ZDHHC15: variants seen among roughly 807,000 people sequenced by gnomAD.
The protein encoded by ZDHHC15 is zDHHC palmitoyltransferase 15.
A neutral mutation model predicts 31.7 loss-of-function variants in ZDHHC15; 19 were observed. The observed-to-expected ratio is 0.60, with a 90% CI of 0.42 to 0.88. ZDHHC15 has a LOEUF of 0.88. Ranked by LOEUF, ZDHHC15 falls within the 40% of genes least tolerant of loss-of-function variation. The pLI is 0.00. For synonymous variants in ZDHHC15, 103 were observed against 90.0 expected (o/e 1.14, Z -0.82); for missense variants, 209 against 251.2 (o/e 0.83, Z 1.14).
intron 2 of ZDHHC15, among the ~76,000 whole-genome samples, chrX:75,505,016 G>A (rs1252118358): frequency 9.0e-6 from 1 of 111,279 alleles, no homozygotes; most frequent in African/African-American, 3.3e-5. Flanking sequence ...AAATAGCAGA[G>A]CCAGGATTTG....
chrX:75,424,906 T>C, intron 7 of ZDHHC15, 122 bp from the exon 8 acceptor site: 1 of 785,832 alleles, frequency 1.3e-6, no homozygotes, highest in Non-Finnish European at 1.7e-6. Context: ...AAAAAATAGA[T>C]TCTGTAAAAT....
intron 10 of ZDHHC15, among the ~76,000 whole-genome samples, chrX:75,394,670 T>C (rs1247241281): frequency 5.4e-5 from 6 of 111,659 alleles, no homozygotes; most frequent in African/African-American, 2.0e-4. Context: ...AGCAGGAGAA[T>C]ATAACAATTC....
At chrX:75,465,076 C>A in intron 3 of ZDHHC15, among the ~76,000 whole-genome samples, 1 of 112,308 alleles carries the variant, frequency 8.9e-6, no homozygotes, top group Middle Eastern at 4.6e-3. Context: ...AGCTCAAAAG[C>A]TTCTGAAGCT....
In ZDHHC15 at chrX:75,370,230, C is replaced by T. The variant is rs958582754; in HGVS notation, c.*2748G>A. 5 of 111,152 alleles carry T rather than the reference C, an allele frequency of 4.5e-5. No homozygotes were observed. Among genetic ancestry groups the T allele is most frequent in the African/African-American group, 9.8e-5 (3 of 30,552 alleles). 9.2% of individuals were successfully genotyped at this position (111,152 alleles called of 1,213,427 possible). A position where few individuals can be genotyped will look rare whatever the true frequency, so the allele number is the denominator to read the frequency against. ...ACAATGAGTATCTTCATTTTGCAAA[C>T]GGAGAAAATGAGTATCAACAATTAG... On this transcript the variant is annotated 3_prime_UTR_variant, in exon 12 of 12. Transcript: ENST00000373367.
At chrX:75,492,886 G>A (rs1000627227) in intron 2 of ZDHHC15, among the ~76,000 whole-genome samples, 2 of 111,390 alleles carry the variant, frequency 1.8e-5, no homozygotes, top group African/African-American at 6.5e-5. Flanking sequence ...AGAAGCAAGA[G>A]CAAACACATT....
At chrX:75,398,745 G>A (rs776399315) in intron 10 of ZDHHC15, among the ~76,000 whole-genome samples, 37 of 110,981 alleles carry the variant, frequency 3.3e-4, no homozygotes, top group South Asian at 2.0e-3. Context: ...CCACAGGGAG[G>A]GGTGGGCTGC....
rs771364502 is a variant in ZDHHC15, at chrX:75,433,794, C to T, written c.380-2274G>A. On this transcript the variant is annotated intron_variant, in intron 4 of 11. Coordinates refer to ENST00000373367, the MANE Select transcript of ZDHHC15 (RefSeq NM_144969.3). Reference sequence around the variant, plus strand: ...TAATTTGTAATTGCAAACTGTGTTGCGATGAACATGCCTGTGCAAGTGTCT... The same window carrying T: ...TAATTTGTAATTGCAAACTGTGTTGTGATGAACATGCCTGTGCAAGTGTCT... 1.9e-4 allele frequency among the ~76,000 whole-genome samples: 21 copies of T among 109,437 alleles called. No individual in the cohort carries two copies. The South Asian group carries it at 2.4e-3, about 12-fold the overall frequency.
At chrX:75,390,914 C>A (rs1290328288) in intron 10 of ZDHHC15, among the ~76,000 whole-genome samples, 1 of 111,573 alleles carries the variant, frequency 9.0e-6, no homozygotes, top group Non-Finnish European at 1.9e-5. Context: ...AGATAGTAGA[C>A]CTTTCAGACA....
At position 75,372,901 on chromosome X, in the gene ZDHHC15, A is replaced by G. The variant is rs1350121387; in HGVS notation, c.*77T>C. ...TATTTTGAAGATTACAATGATTTCC[A>G]ACATTGAACTCTGTAAGCCTCATGG... On this transcript the variant is annotated 3_prime_UTR_variant, in exon 12 of 12. Transcript: ENST00000373367. 1.8e-5 allele frequency: 2 copies of G among 112,058 alleles called. No individual in the cohort carries two copies. Among genetic ancestry groups the G allele is most frequent in the Non-Finnish European group, 3.8e-5 (2 of 53,180 alleles). The allele number at this position is 112,058 out of a possible 1,213,427, so 9.2% of individuals were successfully genotyped here. A position where few individuals can be genotyped will look rare whatever the true frequency, so the allele number is the denominator to read the frequency against.
chrX:75,448,065 T>A (rs1330156356), intron 4 of ZDHHC15, among the ~76,000 whole-genome samples: 1 of 112,247 alleles, frequency 8.9e-6, no homozygotes, highest in Non-Finnish European at 1.9e-5. Flanking sequence ...ACTGGTATAA[T>A]AGACTTTTAG....
intron 2 of ZDHHC15, among the ~76,000 whole-genome samples, chrX:75,488,361 A>C (rs1388923065): frequency 8.9e-6 from 1 of 112,044 alleles, no homozygotes; most frequent in Non-Finnish European, 1.9e-5. Flanking sequence ...TTGGGGTCCT[A>C]TCCTTAGCCA....
intron 10 of ZDHHC15, among the ~76,000 whole-genome samples, chrX:75,400,989 A>G (rs1273628794): frequency 9.0e-6 from 1 of 111,151 alleles, no homozygotes; most frequent in East Asian, 2.8e-4. Flanking sequence ...AGCACTAAAT[A>G]TAGAAAGGAA....
chrX:75,443,628 A>C (rs1007859868), intron 4 of ZDHHC15, among the ~76,000 whole-genome samples: 2 of 112,115 alleles, frequency 1.8e-5, no homozygotes, highest in Non-Finnish European at 3.8e-5. Flanking sequence ...GGATCTAATT[A>C]AACTAAAGAG....
chrX:75,511,682 A>T (rs1358939734), intron 1 of ZDHHC15, among the ~76,000 whole-genome samples: 1 of 105,710 alleles, frequency 9.5e-6, no homozygotes, highest in Non-Finnish European at 1.9e-5. Context: ...GACCAGATGG[A>T]TTCACAGCCG....
chrX:75,497,465 C>G (rs1184878613), intron 2 of ZDHHC15, among the ~76,000 whole-genome samples: 1 of 111,575 alleles, frequency 9.0e-6, no homozygotes, highest in African/African-American at 3.3e-5. Context: ...GGAATCCTCC[C>G]TAAATCATTC....
At chrX:75,399,067 G>A (rs760857704) in intron 10 of ZDHHC15, among the ~76,000 whole-genome samples, 3 of 111,828 alleles carry the variant, frequency 2.7e-5, no homozygotes, top group African/African-American at 3.2e-5. Flanking sequence ...CCTCCAGGTT[G>A]TGGAAAATCT....
At chrX:75,444,563 C>G (rs892301062) in intron 4 of ZDHHC15, among the ~76,000 whole-genome samples, 2 of 99,679 alleles carry the variant, frequency 2.0e-5, no homozygotes, top group Non-Finnish European at 4.0e-5. Flanking sequence ...CACATGTATA[C>G]ATATGTAGCA....
rs915407929 is a variant in ZDHHC15 at position 75,414,409 on chromosome X, T to C, written c.967+2678A>G. Among the ~76,000 whole-genome samples the C allele has an allele frequency of 4.8e-5, 5 of 105,025 alleles. No homozygotes were observed. The Admixed American group carries it at 5.5e-4, about 11-fold the overall frequency. The allele number at this position is 105,025 out of a possible 115,157, so 91.2% of individuals were successfully genotyped here. On this transcript the variant is annotated intron_variant, in intron 10 of 11. Coordinates refer to ENST00000373367, the MANE Select transcript of ZDHHC15 (RefSeq NM_144969.3). ...TATTATATTTGTACCTAACAGGTTA[T>C]TGTTAGCATATTTTATCTTTTTTTT... is the stretch of plus-strand genomic sequence containing the variant.
intron 2 of ZDHHC15, among the ~76,000 whole-genome samples, chrX:75,484,858 T>C (rs1236285425): frequency 8.9e-6 from 1 of 112,341 alleles, no homozygotes; most frequent in Non-Finnish European, 1.9e-5. Flanking sequence ...ACTGTGATCA[T>C]CTGTAATATG....
Sources: gnomAD v4.1 joint callset for allele counts (sites outside exome capture counted in the v4.1 genomes callset) on GRCh38, gnomAD v4.1.1 for gene constraint, MANE v1.5 for transcripts, NCBI Gene and HGNC (gene_info 2026-07-23, HGNC 2026-07-21) for gene names.